AZIN1: variants seen among roughly 807,000 people sequenced by gnomAD.
The protein encoded by AZIN1 is ornithine decarboxylase antizyme inhibitor.
A neutral mutation model predicts 47.4 loss-of-function variants in AZIN1; 12 were observed. The ratio of observed to expected loss-of-function variants is 0.25; its 90% CI spans 0.16 to 0.41. The LOEUF is 0.41. Ranked by LOEUF, AZIN1 falls within the 10% of genes least tolerant of loss-of-function variation. AZIN1 has a pLI of 1.00. For missense variants in AZIN1, 410 were observed against 532.4 expected, an observed-to-expected ratio of 0.77 and a Z score of 2.26; for synonymous variants, 155 against 176.3, an observed-to-expected ratio of 0.88 and a Z score of 0.96.
intron 2 of AZIN1, among the ~76,000 whole-genome samples, chr8:102,844,275 G>C (rs779498096): frequency 4.6e-5 from 7 of 151,980 alleles, no homozygotes; most frequent in Non-Finnish European, 1.0e-4. Flanking sequence ...GAGAGGCCCA[G>C]GCCGGTAGAT....
chr8:102,860,424 G>A (rs1485904513), intron 1 of AZIN1, among the ~76,000 whole-genome samples: 4 of 152,090 alleles, frequency 2.6e-5, no homozygotes, highest in Non-Finnish European at 2.9e-5. Flanking sequence ...CACCATGCCC[G>A]GCTAATTTTT....
chr8:102,831,555 A>C (rs1235386588), intron 9 of AZIN1, among the ~76,000 whole-genome samples: 1 of 150,192 alleles, frequency 6.7e-6, no homozygotes, highest in African/African-American at 2.5e-5. Context: ...AGGCAGGAGA[A>C]TTGCTTGAAC....
Position 102,864,060 on chromosome 8 carries a change from T to TCA in AZIN1, c.-489_-488dup. On this transcript the variant is annotated 5_prime_UTR_variant, in exon 1 of 12. Coordinates refer to ENST00000337198, the MANE Select transcript of AZIN1 (RefSeq NM_148174.4). Reference sequence around the variant, plus strand: ...TGGGTGGGAAGAGGATTCGGACTCGTCACACTGCAGAGCAGCAGAGCGAGA... The same window carrying TCA: ...TGGGTGGGAAGAGGATTCGGACTCGTCACACACTGCAGAGCAGCAGAGCGAGA... The TCA allele has an allele frequency of 6.3e-6, 1 of 159,214 alleles. No homozygotes were observed. Among genetic ancestry groups the TCA allele is most frequent in the South Asian group, 1.6e-4 (1 of 6,200 alleles). The allele number at this position is 159,214 out of a possible 1,614,324, so 9.9% of individuals were successfully genotyped here.
At chr8:102,847,980 T>C (rs1416324120) in intron 2 of AZIN1, among the ~76,000 whole-genome samples, 1 of 152,216 alleles carries the variant, frequency 6.6e-6, no homozygotes, top group Non-Finnish European at 1.5e-5. Context: ...ACATTTTTAA[T>C]AAGGACAGAT....
intron 3 of AZIN1, among the ~76,000 whole-genome samples, chr8:102,841,060 A>G (rs769510779): frequency 2.6e-4 from 40 of 152,216 alleles, no homozygotes; most frequent in Non-Finnish European, 5.1e-4. Flanking sequence ...AATTCTCAGT[A>G]GGCAACGAAA....
chr8:102,843,842 A>T (rs1812382219), intron 2 of AZIN1, 95 bp from the exon 3 acceptor site: 1 of 842,792 alleles, frequency 1.2e-6, no homozygotes, highest in Admixed American at 3.9e-5. Flanking sequence ...TTTAGTGAGG[A>T]ATTTACGCAA....
chr8:102,842,166 T>C (rs1812241903), intron 3 of AZIN1, among the ~76,000 whole-genome samples: 1 of 151,990 alleles, frequency 6.6e-6, no homozygotes, highest in African/African-American at 2.4e-5. Flanking sequence ...TATGATTCTG[T>C]AGAAGTTGAC....
At position 102,836,461 on chromosome 8, in the gene AZIN1, T is replaced by A. The variant is rs183013553; in HGVS notation, c.450-71A>T. 781 of 1,499,222 alleles carry A rather than the reference T, an allele frequency of 5.2e-4. 2 individuals carry two copies. The highest frequency in any genetic ancestry group is 6.1e-4 in the Non-Finnish European group (665 of 1,090,650). The allele number at this position is 1,499,222 out of a possible 1,614,324, so 92.9% of individuals were successfully genotyped here. ...ATCAGCACATGTGAAGCCTGAAGAT[T>A]GTAGGAAGTGTGTTGATTATGTTGC... On this transcript the variant is annotated intron_variant, in intron 5 of 11. Transcript: ENST00000337198.
At chr8:102,832,204 C>T (rs931735220) in intron 9 of AZIN1, among the ~76,000 whole-genome samples, 2 of 151,700 alleles carry the variant, frequency 1.3e-5, no homozygotes, top group South Asian at 4.1e-4. Flanking sequence ...GGAGAAATGA[C>T]GAATTCAATG....
At chr8:102,844,177 T>C (rs1462038207) in intron 2 of AZIN1, among the ~76,000 whole-genome samples, 1 of 152,196 alleles carries the variant, frequency 6.6e-6, no homozygotes, top group Non-Finnish European at 1.5e-5. Flanking sequence ...AGCCACGTAT[T>C]AGCACTGCCA....
At chr8:102,851,457 CAGCA>C (rs1182992721) in intron 2 of AZIN1, among the ~76,000 whole-genome samples, 1 of 152,196 alleles carries the variant, frequency 6.6e-6, no homozygotes, top group African/African-American at 2.4e-5. Flanking sequence ...CCTGTAATCC[CAGCA>C]CTTTGGGAGG....
intron 2 of AZIN1, among the ~76,000 whole-genome samples, chr8:102,853,555 C>T (rs1285090757): frequency 1.3e-5 from 2 of 152,028 alleles, no homozygotes; most frequent in African/African-American, 4.8e-5. Context: ...TTTGACCTTC[C>T]TAAAAAAAAT....
chr8:102,860,786 T>A (rs1213920891), intron 1 of AZIN1, among the ~76,000 whole-genome samples: 1 of 152,214 alleles, frequency 6.6e-6, no homozygotes, highest in African/African-American at 2.4e-5. Context: ...CAATGATTTT[T>A]AAAATCGTTC....
chr8:102,848,323 CAAAAAAA>C (rs60663839), intron 2 of AZIN1, among the ~76,000 whole-genome samples: 2 of 91,586 alleles, frequency 2.2e-5, no homozygotes, highest in Admixed American at 1.3e-4. Flanking sequence ...ACTAAAAGGC[CAAAAAAA>C]AAAAAAAAAA....
chr8:102,838,680 C>A, intron 5 of AZIN1, 64 bp downstream of exon 5: 1 of 1,387,524 alleles, frequency 7.2e-7, no homozygotes, highest in Non-Finnish European at 9.8e-7. Context: ...TCTTCCCAGA[C>A]AAAAGACAAA....
At chr8:102,840,851 C>T (rs7817818) in intron 3 of AZIN1, among the ~76,000 whole-genome samples, 9,287 of 152,180 alleles carry the variant, frequency 0.061, 959 homozygotes, top group African/African-American at 0.21. Flanking sequence ...AAATGCAAAA[C>T]GCACATTATG....
rs1021885829 is a variant in AZIN1, at chr8:102,827,003, G to C, written c.*1564C>G. 6.6e-6 allele frequency: 1 copy of C among 152,518 alleles called. No individual in the cohort carries two copies. Among genetic ancestry groups the C allele is most frequent in the Non-Finnish European group, 1.5e-5 (1 of 68,012 alleles). 9.4% of individuals were successfully genotyped at this position (152,518 alleles called of 1,614,324 possible). Reference sequence around the variant, plus strand: ...ATCAAAAAATATTAAGCACCTACTGGTTTAAGAGATTTAAATTTATTAGAG... The same window carrying C: ...ATCAAAAAATATTAAGCACCTACTGCTTTAAGAGATTTAAATTTATTAGAG... On this transcript the variant is annotated 3_prime_UTR_variant, in exon 12 of 12. Transcript: ENST00000337198.
intron 1 of AZIN1, among the ~76,000 whole-genome samples, chr8:102,860,824 C>A (rs895017232): frequency 6.6e-6 from 1 of 152,170 alleles, no homozygotes; most frequent in Non-Finnish European, 1.5e-5. Context: ...AAACTCCAAA[C>A]CCCAGTCTAA....
At chr8:102,835,683 T>C (rs1811773314) in intron 6 of AZIN1, among the ~76,000 whole-genome samples, 1 of 152,188 alleles carries the variant, frequency 6.6e-6, no homozygotes. Context: ...AGATACACAA[T>C]ACATCTTTGT....
Sources: gnomAD v4.1 joint callset for allele counts (sites outside exome capture counted in the v4.1 genomes callset) on GRCh38, gnomAD v4.1.1 for gene constraint, MANE v1.5 for transcripts, NCBI Gene and HGNC (gene_info 2026-07-23, HGNC 2026-07-21) for gene names.